Variants in ZMAT4 observed in about 807,000 individuals in gnomAD.
The protein encoded by ZMAT4 is zinc finger matrin-type protein 4.
A neutral mutation model predicts 28.7 loss-of-function variants in ZMAT4; 17 were observed. That is an observed-to-expected ratio of 0.59 (90% CI 0.41 to 0.89). The LOEUF (loss-of-function observed/expected upper bound fraction) is 0.89, where lower values mean the gene tolerates loss of function less well. Among genes scored for constraint, ZMAT4 ranks in the 40% least tolerant of loss-of-function variants. ZMAT4 has a pLI of 0.00. For synonymous variants in ZMAT4, 117 were observed against 109.2 expected, an observed-to-expected ratio of 1.07 and a Z score of -0.44; for missense variants, 240 against 283.8, an observed-to-expected ratio of 0.85 and a Z score of 1.11.
At chr8:40,719,716 T>C (rs1286568906) in intron 3 of ZMAT4, among the ~76,000 whole-genome samples, 1 of 152,066 alleles carries the variant, frequency 6.6e-6, no homozygotes, top group Non-Finnish European at 1.5e-5. Flanking sequence ...ACTACAGGTG[T>C]CCACCACCAC....
rs187375839 is a variant in ZMAT4 at position 40,635,774 on chromosome 8, A to G, written c.577+38930T>C. On this transcript the variant is annotated intron_variant, in intron 5 of 6. Transcript: ENST00000297737. ...TTAACTTTGGTGTCACAGCCATGAA[A>G]AGGCCCCTAAAAAATATTTGCTATT... Among the ~76,000 whole-genome samples the G allele has an allele frequency of 8.6e-4, 131 of 152,276 alleles. 2 individuals are homozygous for G. The highest frequency in any genetic ancestry group is 1.4e-3 in the Non-Finnish European group (98 of 68,014).
chr8:40,746,631 A>G (rs1047013851), intron 3 of ZMAT4, among the ~76,000 whole-genome samples: 1 of 152,100 alleles, frequency 6.6e-6, no homozygotes, highest in African/African-American at 2.4e-5. Flanking sequence ...CTGGGATTAC[A>G]GGCATGAGCC....
intron 3 of ZMAT4, among the ~76,000 whole-genome samples, chr8:40,732,286 TA>T (rs1811573302): frequency 6.6e-6 from 1 of 151,660 alleles, no homozygotes; most frequent in Admixed American, 6.6e-5. Context: ...AAAGGGACCT[TA>T]GAAGAGTGCC....
chr8:40,707,156 C>T (rs1328520421), intron 3 of ZMAT4, among the ~76,000 whole-genome samples: 1 of 152,104 alleles, frequency 6.6e-6, no homozygotes, highest in East Asian at 1.9e-4. Flanking sequence ...TTCCCCGGGA[C>T]ATCCCACCAC....
chr8:40,640,420 G>A, intron 5 of ZMAT4, among the ~76,000 whole-genome samples: 1 of 152,132 alleles, frequency 6.6e-6, no homozygotes, highest in East Asian at 1.9e-4. Flanking sequence ...ATTGCACAGA[G>A]GCACTCTCAT....
At chr8:40,571,031 A>G (rs1017912565) in intron 6 of ZMAT4, among the ~76,000 whole-genome samples, 3 of 152,162 alleles carry the variant, frequency 2.0e-5, no homozygotes, top group East Asian at 1.9e-4. Context: ...ACATTAAATC[A>G]TCAGCTCGGA....
intron 1 of ZMAT4, among the ~76,000 whole-genome samples, chr8:40,861,419 T>C (rs1042944304): frequency 6.6e-6 from 1 of 152,168 alleles, no homozygotes; most frequent in Non-Finnish European, 1.5e-5. Context: ...ATACAAAAAT[T>C]AATTCAAGAT....
chr8:40,774,340 T>A (rs117949381), intron 2 of ZMAT4, among the ~76,000 whole-genome samples: 5,185 of 152,254 alleles, frequency 0.034, 183 homozygotes, highest in East Asian at 0.16. Context: ...TCCCATCAAA[T>A]TGGCAAGGAT....
intron 5 of ZMAT4, among the ~76,000 whole-genome samples, chr8:40,633,888 C>T (rs1237496414): frequency 4.6e-5 from 7 of 152,166 alleles, no homozygotes; most frequent in South Asian, 4.1e-4. Flanking sequence ...TGCCCGTTTT[C>T]GGAAAGCAGC....
Position 40,530,752 on chromosome 8 carries a change from C to G in ZMAT4, c.*1471G>C, listed in dbSNP as rs1267278857. On this transcript the variant is annotated 3_prime_UTR_variant, in exon 7 of 7. Transcript: ENST00000297737. ...AAATAGATTCTTCCCATCCAACCCC[C>G]TTTCCTCTTGTAGAGTAGGGTGTGG... 6.6e-6 allele frequency: 1 copy of G among 152,646 alleles called. No individual in the cohort carries two copies. The highest frequency in any genetic ancestry group is 1.9e-4 in the East Asian group (1 of 5,186). 9.5% of individuals were successfully genotyped at this position (152,646 alleles called of 1,614,324 possible). A position where few individuals can be genotyped will look rare whatever the true frequency, so the allele number is the denominator to read the frequency against.
intron 6 of ZMAT4, among the ~76,000 whole-genome samples, chr8:40,559,771 A>G (rs1317075070): frequency 6.7e-6 from 1 of 149,912 alleles, no homozygotes; most frequent in African/African-American, 2.4e-5. Context: ...ACACACACAC[A>G]TGCGAATACA....
chr8:40,666,355 A>G (rs998096607), intron 5 of ZMAT4, among the ~76,000 whole-genome samples: 1 of 152,182 alleles, frequency 6.6e-6, no homozygotes, highest in Non-Finnish European at 1.5e-5. Flanking sequence ...TGGAACAAAT[A>G]ACACTAGAGT....
chr8:40,561,426 T>G (rs1803736069), intron 6 of ZMAT4, among the ~76,000 whole-genome samples: 1 of 152,118 alleles, frequency 6.6e-6, no homozygotes, highest in South Asian at 2.1e-4. Context: ...TCTCAGAAGG[T>G]CAGGGCTCAC....
At chr8:40,552,678 G>A (rs1200419078) in intron 6 of ZMAT4, among the ~76,000 whole-genome samples, 3 of 152,130 alleles carry the variant, frequency 2.0e-5, no homozygotes, top group Admixed American at 6.5e-5. Flanking sequence ...GAGTGGAGAA[G>A]GATGAGTCTC....
At chr8:40,810,346 A>C (rs938716920) in intron 2 of ZMAT4, among the ~76,000 whole-genome samples, 1 of 152,228 alleles carries the variant, frequency 6.6e-6, no homozygotes, top group Non-Finnish European at 1.5e-5. Flanking sequence ...ATTAAAGCAC[A>C]GTAACTAAAT....
chr8:40,728,065 A>T (rs76386792), intron 3 of ZMAT4, among the ~76,000 whole-genome samples: 1 of 152,184 alleles, frequency 6.6e-6, no homozygotes, highest in Non-Finnish European at 1.5e-5. Context: ...AACGCAAATC[A>T]TATGTTCCTG....
Position 40,867,677 on chromosome 8 carries a change from C to A in ZMAT4, c.-5+30006G>T, listed in dbSNP as rs554709856. ...CCTGGAAGTCTCCTTCTCAGATGTT[C>A]ACACAGCTCAATCTCTTTCACTTCC... On this transcript the variant is annotated intron_variant, in intron 1 of 6. Coordinates refer to ENST00000297737, the MANE Select transcript of ZMAT4 (RefSeq NM_024645.3). Among the ~76,000 whole-genome samples, 330 of 152,292 alleles carry A rather than the reference C, an allele frequency of 2.2e-3. 1 individual carries two copies. Among genetic ancestry groups the A allele is most frequent in the Middle Eastern group, 0.01 (3 of 294 alleles).
intron 5 of ZMAT4, among the ~76,000 whole-genome samples, chr8:40,586,745 C>T (rs1804682710): frequency 3.3e-5 from 5 of 152,122 alleles, no homozygotes; most frequent in Admixed American, 3.3e-4. Flanking sequence ...GCCTTTATTA[C>T]TGTGTGAGAT....
At chr8:40,722,312 T>C (rs1413174456) in intron 3 of ZMAT4, among the ~76,000 whole-genome samples, 1 of 152,226 alleles carries the variant, frequency 6.6e-6, no homozygotes, top group East Asian at 1.9e-4. Flanking sequence ...AAGGTGACAC[T>C]GAGGGTGGAG....
Sources: allele counts gnomAD v4.1 joint callset (sites outside exome capture counted in the v4.1 genomes callset), GRCh38; gene constraint gnomAD v4.1.1; transcripts MANE v1.5; gene names NCBI Gene and HGNC (gene_info 2026-07-23, HGNC 2026-07-21).